TNRC6A: variants seen among roughly 807,000 people sequenced by gnomAD.
TNRC6A encodes trinucleotide repeat-containing gene 6A protein.
A neutral mutation model predicts 221.2 loss-of-function variants in TNRC6A; 44 were observed. The observed-to-expected ratio is 0.20, with a 90% CI of 0.16 to 0.26. The LOEUF (loss-of-function observed/expected upper bound fraction) is 0.26. TNRC6A is among the 10% of genes least tolerant of loss of function. TNRC6A has a pLI of 1.00. For missense variants in TNRC6A, 2,199 were observed against 2,404.4 expected, an observed-to-expected ratio of 0.91 and a Z score of 1.79; for synonymous variants, 847 against 838.5, an observed-to-expected ratio of 1.01 and a Z score of -0.18.
chr16:24,805,494 A>C, intron 14 of TNRC6A, 111 bp from the exon 15 acceptor site: 4 of 1,433,178 alleles, frequency 2.8e-6, no homozygotes, highest in Non-Finnish European at 3.8e-6. Flanking sequence ...TATAACCCCC[A>C]ATGAATAGTC....
In TNRC6A at chr16:24,823,085, G is replaced by A. The variant is rs535758031; in HGVS notation, c.5513+72G>A. 9.4e-6 allele frequency: 15 copies of A among 1,600,812 alleles called. No individual in the cohort carries two copies. The African/African-American group carries it at 1.6e-4, about 17-fold the overall frequency. ...GTGTGAGAGCACAGCCTGACCCGGG[G>A]CAGTGCACAGGGTCCTGCGTGGGTG... On this transcript the variant is annotated intron_variant, in intron 24 of 24. Transcript: ENST00000395799. The surrounding 1 kb of genome is among the most constrained non-coding windows in gnomAD (Gnocchi z 4.3).
intron 2 of TNRC6A, among the ~76,000 whole-genome samples, chr16:24,697,575 C>T (rs974006572): frequency 6.6e-6 from 1 of 151,668 alleles, no homozygotes. Flanking sequence ...GTCCCAGCTA[C>T]TTAGGAAGCT....
chr16:24,695,078 T>A (rs2055831114), intron 2 of TNRC6A, among the ~76,000 whole-genome samples: 1 of 152,166 alleles, frequency 6.6e-6, no homozygotes, highest in Non-Finnish European at 1.5e-5. Context: ...TGACATTGCT[T>A]GCTGGCACGG....
chr16:24,822,074 T>G lies in TNRC6A; in HGVS notation c.5303-3T>G. On this transcript the variant is annotated splice_polypyrimidine_tract_variant and splice_region_variant and intron_variant, in intron 22 of 24. Coordinates refer to ENST00000395799, the MANE Select transcript of TNRC6A (RefSeq NM_014494.4). ...CTGACTTGTCCTTTTTTTCCTTGTT[T>G]AGGTTCCAGCTGGGGTGAGAGCAGC... The G allele has an allele frequency of 6.2e-7, 1 of 1,614,148 alleles. No individual in the cohort carries two copies. The highest frequency in any genetic ancestry group is 1.1e-5 in the South Asian group (1 of 91,078).
chr16:24,622,460 G>A (rs1431901274), intron 1 of TNRC6A, among the ~76,000 whole-genome samples: 1 of 152,074 alleles, frequency 6.6e-6, no homozygotes, highest in Non-Finnish European at 1.5e-5. Context: ...AATAAGCAGG[G>A]TGTGGTGGTG....
At chr16:24,705,683 T>C (rs978974432) in intron 2 of TNRC6A, among the ~76,000 whole-genome samples, 2 of 152,178 alleles carry the variant, frequency 1.3e-5, no homozygotes, top group Non-Finnish European at 2.9e-5. Context: ...TGACCTTTCT[T>C]AGAGACTACA....
chr16:24,648,169 T>C (rs1433246312), intron 2 of TNRC6A, among the ~76,000 whole-genome samples: 3 of 152,132 alleles, frequency 2.0e-5, no homozygotes, highest in Non-Finnish European at 2.9e-5. Flanking sequence ...AAGCATCTAT[T>C]TGAGTTCCTG....
intron 2 of TNRC6A, among the ~76,000 whole-genome samples, chr16:24,698,653 G>T (rs55872500): frequency 7.2e-5 from 11 of 152,282 alleles, no homozygotes; most frequent in Admixed American, 3.3e-4. Context: ...AAACCCACTC[G>T]ATTTATTTCC....
intron 2 of TNRC6A, among the ~76,000 whole-genome samples, chr16:24,748,600 TTAC>T (rs1309001630): frequency 6.6e-6 from 1 of 152,162 alleles, no homozygotes; most frequent in African/African-American, 2.4e-5. Flanking sequence ...GTCCTATACT[TTAC>T]TAAGTTTTTA....
intron 1 of TNRC6A, among the ~76,000 whole-genome samples, chr16:24,626,680 C>T (rs1262546584): frequency 4.4e-5 from 6 of 136,174 alleles, no homozygotes; most frequent in Non-Finnish European, 6.1e-5. Flanking sequence ...GACGGAGTCT[C>T]ACTGTGTCGC....
intron 4 of TNRC6A, among the ~76,000 whole-genome samples, chr16:24,772,448 C>T (rs1234129054): frequency 7.2e-5 from 11 of 151,822 alleles, no homozygotes; most frequent in African/African-American, 2.2e-4. Context: ...GATCCAAGAT[C>T]GCGCCATTGC....
intron 2 of TNRC6A, among the ~76,000 whole-genome samples, chr16:24,738,474 G>A (rs1289263286): frequency 6.6e-6 from 1 of 152,014 alleles, no homozygotes; most frequent in African/African-American, 2.4e-5. Context: ...CCAGCCTCTG[G>A]CAACCACTAA....
chr16:24,806,149 A>G, intron 15 of TNRC6A, 57 bp from the exon 16 acceptor site: 2 of 1,594,908 alleles, frequency 1.3e-6, no homozygotes, highest in East Asian at 4.5e-5. Context: ...CGTCATTTGG[A>G]AGCACACACT....
At chr16:24,721,107 C>A (rs1449152462) in intron 2 of TNRC6A, among the ~76,000 whole-genome samples, 2 of 152,132 alleles carry the variant, frequency 1.3e-5, no homozygotes, top group Non-Finnish European at 2.9e-5. Context: ...AGAATGAACA[C>A]CTGCAAAGCT....
At chr16:24,754,539 G>C (rs768508394) in intron 3 of TNRC6A, among the ~76,000 whole-genome samples, 4 of 152,086 alleles carry the variant, frequency 2.6e-5, no homozygotes, top group African/African-American at 4.8e-5. Flanking sequence ...ATTTGACAGA[G>C]CATGGAAATG....
At position 24,791,004 on chromosome 16, in the gene TNRC6A, C is replaced by T. The variant is rs3803716; in HGVS notation, c.2362C>T (p.Pro788Ser). ...TGTATCAGGGTGGGGCGATCCCAAA[C>T]CTGCTCTGAGGTGGGGAGATTCCAA... The part of the protein sequence containing the change: ...SSVSGWGDPK[P>S]ALRWGDSKGS... Residue 788 changes from proline to serine, a missense_variant, in exon 6 of 25, where the codon CCT (proline) becomes TCT (serine). Pro to Ser is a moderately conservative substitution (Grantham distance 74, BLOSUM62 -1). Transcript: ENST00000395799. The T allele has an allele frequency of 0.18, 294,047 of 1,593,700 alleles. 27,768 individuals are homozygous for T. The highest frequency in any genetic ancestry group is 0.19 in the Non-Finnish European group (228,111 of 1,169,866).
rs1901105990 is a variant in TNRC6A at position 24,627,759 on chromosome 16, G to A, written n.277-13125G>A. On this transcript the variant is annotated intron_variant and non_coding_transcript_variant, in intron 1 of 2. Transcript: ENST00000566108. ...GTTGCCCAGGCTGGAGGGCAGTGGCGTGATCTTGGCTCACTGCAACCTCTG... is the reference window on the plus strand; with the variant it reads ...GTTGCCCAGGCTGGAGGGCAGTGGCATGATCTTGGCTCACTGCAACCTCTG... Among the ~76,000 whole-genome samples the A allele has an allele frequency of 2.1e-5, 3 of 142,340 alleles. No homozygotes were observed. In the Admixed American group the frequency reaches 2.2e-4, roughly 11 times the overall value. The allele number at this position is 142,340 out of a possible 152,430, so 93.4% of individuals were successfully genotyped here.
At chr16:24,714,361 T>C (rs1330862217) in intron 2 of TNRC6A, among the ~76,000 whole-genome samples, 1 of 134,406 alleles carries the variant, frequency 7.4e-6, no homozygotes, top group Non-Finnish European at 1.5e-5. Flanking sequence ...CAGGCTGGAG[T>C]GCAGTGGCGC....
At chr16:24,649,878 C>G (rs918600726) in intron 2 of TNRC6A, among the ~76,000 whole-genome samples, 4 of 125,336 alleles carry the variant, frequency 3.2e-5, no homozygotes, top group African/African-American at 1.3e-4. Context: ...CCAGGCATGA[C>G]AGTGGCACAA....
Sources: allele counts gnomAD v4.1 joint callset (sites outside exome capture counted in the v4.1 genomes callset), GRCh38; gene constraint gnomAD v4.1.1; non-coding constraint Gnocchi (gnomAD v3.1); transcripts MANE v1.5; gene names NCBI Gene and HGNC (gene_info 2026-07-23, HGNC 2026-07-21).